The following CHODL variants were observed in gnomAD, a reference collection of about 807,000 sequenced individuals.
CHODL encodes the protein chondrolectin.
CHODL carries 29 observed loss-of-function variants against 34.5 expected under a neutral mutation model. The ratio of observed to expected loss-of-function variants is 0.84; its 90% confidence interval spans 0.63 to 1.15. The LOEUF (loss-of-function observed/expected upper bound fraction) is 1.15. Ranked by LOEUF, CHODL falls within the 50% of genes most tolerant of loss-of-function variation. The pLI is 0.00. For synonymous variants in CHODL, 125 were observed against 116.1 expected (o/e 1.08, Z -0.49); for missense variants, 332 against 332.5 (o/e 1.00, Z 0.01).
At chr21:18,090,853 T>C (rs765888620) in intron 2 of CHODL, among the ~76,000 whole-genome samples, 15 of 151,778 alleles carry the variant, frequency 9.9e-5, no homozygotes, top group Non-Finnish European at 1.5e-4. Flanking sequence ...TTAACAACTA[T>C]CTGCACACAG....
chr21:18,048,240 A>C (rs897780673), intron 2 of CHODL, among the ~76,000 whole-genome samples: 2 of 151,920 alleles, frequency 1.3e-5, no homozygotes, highest in Admixed American at 6.6e-5. Flanking sequence ...GTTTCCCTAA[A>C]ACTTAAAGTA....
At chr21:18,088,027 G>T (rs1230075782) in intron 2 of CHODL, among the ~76,000 whole-genome samples, 1 of 152,080 alleles carries the variant, frequency 6.6e-6, no homozygotes, top group African/African-American at 2.4e-5. Flanking sequence ...CTTTAAACCA[G>T]ATCTTATGAG....
At chr21:17,992,445 G>A (rs562468034) in intron 1 of CHODL, among the ~76,000 whole-genome samples, 162 of 152,180 alleles carry the variant, frequency 1.1e-3, no homozygotes, top group African/African-American at 3.8e-3. Context: ...CCATGAGCAT[G>A]GGGTGTCTTT....
intron 1 of CHODL, chr21:18,245,768 G>T: frequency 1.5e-6 from 1 of 678,082 alleles, no homozygotes; most frequent in Admixed American, 2.4e-5. Context: ...GACCAGATCA[G>T]TTCGCTGTGG....
intron 1 of CHODL, among the ~76,000 whole-genome samples, chr21:17,953,488 A>C (rs1185905142): frequency 6.6e-6 from 1 of 152,084 alleles, no homozygotes. Context: ...GAAAATAATA[A>C]AAATTCAATT....
At chr21:17,918,206 T>C (rs2063156421) in intron 1 of CHODL, among the ~76,000 whole-genome samples, 1 of 151,952 alleles carries the variant, frequency 6.6e-6, no homozygotes, top group South Asian at 2.1e-4. Context: ...TTTTATTTCA[T>C]ATATTTTATT....
At chr21:18,109,311 A>C (rs1416855130) in intron 2 of CHODL, among the ~76,000 whole-genome samples, 1 of 152,172 alleles carries the variant, frequency 6.6e-6, no homozygotes, top group African/African-American at 2.4e-5. Context: ...TTAGTAGCTT[A>C]GCTTTTCTCC....
chr21:18,014,678 A>ACT (rs1000328006), intron 1 of CHODL, among the ~76,000 whole-genome samples: 2 of 151,450 alleles, frequency 1.3e-5, no homozygotes, highest in African/African-American at 2.4e-5. Flanking sequence ...CTTCACCTCT[A>ACT]CTCTCTCTCG....
upstream of CHODL, among the ~76,000 whole-genome samples, chr21:18,241,554 T>G (rs1236709809): frequency 1.3e-5 from 2 of 152,192 alleles, no homozygotes; most frequent in Non-Finnish European, 2.9e-5. Flanking sequence ...AAGCCTGCTG[T>G]GACTTAGGCT....
At chr21:18,117,707 TAAA>T (rs2065429761) in intron 2 of CHODL, among the ~76,000 whole-genome samples, 1 of 144,664 alleles carries the variant, frequency 6.9e-6, no homozygotes, top group South Asian at 2.4e-4. Flanking sequence ...ATAAATAAGA[TAAA>T]ATAAATAAAT....
intron 2 of CHODL, among the ~76,000 whole-genome samples, chr21:18,157,220 A>C (rs79329381): frequency 0.025 from 3,856 of 152,234 alleles, 74 homozygotes; most frequent in Non-Finnish European, 0.034. Context: ...GAGATGGAAG[A>C]TACGTTGTGG....
chr21:18,064,098 A>C (rs1326362795), intron 2 of CHODL, among the ~76,000 whole-genome samples: 1 of 152,152 alleles, frequency 6.6e-6, no homozygotes, highest in Admixed American at 6.6e-5. Context: ...AGGTTCTTTT[A>C]AGAGCCTTTC....
At chr21:18,047,305 G>C (rs1481973322) in intron 2 of CHODL, among the ~76,000 whole-genome samples, 1 of 151,864 alleles carries the variant, frequency 6.6e-6, no homozygotes, top group African/African-American at 2.4e-5. Context: ...TATATAGGAG[G>C]CCTGGCATTG....
chr21:17,961,631 A>C (rs1446864716), intron 1 of CHODL, among the ~76,000 whole-genome samples: 1 of 152,178 alleles, frequency 6.6e-6, no homozygotes, highest in East Asian at 1.9e-4. Flanking sequence ...CTGACTCATC[A>C]CAGTTCCTGA....
intron 2 of CHODL, among the ~76,000 whole-genome samples, chr21:18,213,413 C>T (rs775745728): frequency 3.3e-5 from 5 of 151,948 alleles, no homozygotes; most frequent in African/African-American, 7.2e-5. Context: ...ACTAAACAAC[C>T]GAATGCTATT....
At chr21:18,202,016 A>G (rs1294676732) in intron 2 of CHODL, among the ~76,000 whole-genome samples, 14 of 152,010 alleles carry the variant, frequency 9.2e-5, no homozygotes, top group Admixed American at 9.2e-4. Flanking sequence ...CATGTTAGCC[A>G]GGATGATCTC....
intron 2 of CHODL, among the ~76,000 whole-genome samples, chr21:18,187,081 C>A (rs186823144): frequency 6.6e-6 from 1 of 152,046 alleles, no homozygotes; most frequent in Non-Finnish European, 1.5e-5. Context: ...GTACTGTAAG[C>A]AAGGTAAAAA....
At chr21:18,122,949 A>G (rs1007512565) in intron 2 of CHODL, among the ~76,000 whole-genome samples, 1 of 152,188 alleles carries the variant, frequency 6.6e-6, no homozygotes, top group Non-Finnish European at 1.5e-5. Context: ...CGTTTACACA[A>G]TTCTATTTGG....
intron 1 of CHODL, among the ~76,000 whole-genome samples, chr21:17,966,533 A>G (rs527327923): frequency 1.4e-4 from 21 of 152,312 alleles, no homozygotes; most frequent in Non-Finnish European, 3.1e-4. Flanking sequence ...TCCCAGGTCA[A>G]CTTAACTACA....
Sources: gnomAD v4.1 joint callset for allele counts (sites outside exome capture counted in the v4.1 genomes callset) on GRCh38, gnomAD v4.1.1 for gene constraint, MANE v1.5 for transcripts, NCBI Gene and HGNC (gene_info 2026-07-23, HGNC 2026-07-21) for gene names.